The following DPH6 variants were observed in gnomAD, a reference collection of about 807,000 sequenced individuals.
The protein encoded by DPH6 is diphthamine biosynthesis 6.
In DPH6, 33 loss-of-function variants were observed where a neutral mutation model predicts 38.2. That is an observed-to-expected ratio of 0.86 (90% CI 0.65 to 1.15). DPH6 has a LOEUF of 1.15. Among genes scored for constraint, DPH6 ranks in the 50% most tolerant of loss-of-function variants. The pLI is 0.00. For missense variants in DPH6, 325 were observed against 320.0 expected (o/e 1.02, Z -0.12); for synonymous variants, 108 against 103.0 (o/e 1.05, Z -0.30).
chr15:35,436,512 A>C (rs866856838), intron 5 of DPH6, among the ~76,000 whole-genome samples: 1 of 104,294 alleles, frequency 9.6e-6, no homozygotes, highest in Non-Finnish European at 2.1e-5. Context: ...AACAAAACAA[A>C]ACAAAAAAGG....
chr15:35,298,192 G>C (rs535828993), intron 3 of DPH6: 20 of 449,758 alleles, frequency 4.4e-5, no homozygotes, highest in Admixed American at 1.1e-4. Flanking sequence ...TTCTTTTCTC[G>C]GCCTGCAGTT....
At chr15:35,149,470 C>T in the DPH6 span, among the ~76,000 whole-genome samples, 31,076 of 152,110 alleles carry the variant, frequency 0.2, 3,602 homozygotes, top group East Asian at 0.29. Flanking sequence ...AACTCCTGAC[C>T]TCGTGATTCG....
chr15:35,209,397 A>C, the DPH6 span, among the ~76,000 whole-genome samples: 2 of 152,288 alleles, frequency 1.3e-5, no homozygotes, highest in Admixed American at 1.3e-4. Context: ...ATATTTCAGA[A>C]ACTACTTTTG....
intron 6 of DPH6, chr15:35,401,613 T>C (rs1465737932): frequency 2.6e-6 from 2 of 761,512 alleles, no homozygotes; most frequent in Non-Finnish European, 4.9e-6. Context: ...ACAACAATCA[T>C]CTTCGAATTT....
chr15:35,430,986 C>T (rs1002053611), intron 5 of DPH6, among the ~76,000 whole-genome samples: 11 of 152,112 alleles, frequency 7.2e-5, no homozygotes, highest in Admixed American at 4.6e-4. Flanking sequence ...AAACCTCCTA[C>T]TTCCAGTTCC....
At position 35,317,049 on chromosome 15, in the gene DPH6, G is replaced by A. The variant is rs762050989; in HGVS notation, n.200+56472C>T. ...GAGGCAGGCAGATTGCTTGAGCCAA[G>A]GAGTTTGAGACAAGCCTGGGCAACA... On this transcript the variant is annotated intron_variant and non_coding_transcript_variant, in intron 3 of 3. Coordinates refer to the DPH6 transcript ENST00000560386. Among the ~76,000 whole-genome samples, 77 of 152,286 alleles carry A rather than the reference G, an allele frequency of 5.1e-4. 1 individual carries two copies. The highest frequency in any genetic ancestry group is 9.6e-4 in the Non-Finnish European group (65 of 68,022).
chr15:35,348,044 T>C (rs2052477610), intron 3 of DPH6, among the ~76,000 whole-genome samples: 1 of 152,188 alleles, frequency 6.6e-6, no homozygotes, highest in African/African-American at 2.4e-5. Flanking sequence ...TATTCTGGAA[T>C]ATTAACCCCT....
intron 5 of DPH6, among the ~76,000 whole-genome samples, chr15:35,425,810 CAT>C (rs71741742): frequency 0.31 from 43,570 of 141,752 alleles, 6,916 homozygotes; most frequent in African/African-American, 0.42. Context: ...TATGACATGA[CAT>C]ATATATATAT....
At position 35,345,248 on chromosome 15, in the gene DPH6, C is replaced by T. The variant is rs539523994; in HGVS notation, n.208-14171G>A. Among the ~76,000 whole-genome samples, 4 of 151,912 alleles carry T rather than the reference C, an allele frequency of 2.6e-5. No individual in the cohort carries two copies. In the East Asian group the frequency reaches 7.7e-4, roughly 29 times the overall value. ...TCGTATCCAGAAACCTTATCGATCTCAGTATTAATTCTAAGAACATCTCTG... is the reference window on the plus strand; with the variant it reads ...TCGTATCCAGAAACCTTATCGATCTTAGTATTAATTCTAAGAACATCTCTG... On this transcript the variant is annotated intron_variant and non_coding_transcript_variant, in intron 3 of 3. Coordinates refer to the DPH6 transcript ENST00000558973.
In DPH6 at chr15:35,228,163, T is replaced by C. The variant is rs141949885; in HGVS notation, n.201-7581A>G. 5.4e-4 allele frequency among the ~76,000 whole-genome samples: 82 copies of C among 152,308 alleles called. 1 individual carries two copies. The highest frequency in any genetic ancestry group is 1.9e-3 in the African/African-American group (78 of 41,576). On this transcript the variant is annotated intron_variant and non_coding_transcript_variant, in intron 3 of 3. Coordinates refer to the DPH6 transcript ENST00000560386. ...TTTGGTCTATAGTGTAGACCAACAT[T>C]GTTTGCATAAACAAACAAACAAAAA... is the stretch of plus-strand genomic sequence containing the variant.
chr15:35,536,233 T>A (rs762864153), intron 3 of DPH6, among the ~76,000 whole-genome samples: 93 of 152,060 alleles, frequency 6.1e-4, no homozygotes, highest in Non-Finnish European at 1.2e-3. Context: ...GTTTCATAAA[T>A]GAATTTAACT....
intron 3 of DPH6, among the ~76,000 whole-genome samples, chr15:35,500,862 T>C (rs2141195168): frequency 6.6e-6 from 1 of 152,144 alleles, no homozygotes; most frequent in East Asian, 1.9e-4. Flanking sequence ...AGGTTCTCCC[T>C]CCTGAGTAGC....
At chr15:35,352,477 G>A (rs1043678182) in intron 3 of DPH6, among the ~76,000 whole-genome samples, 10 of 151,918 alleles carry the variant, frequency 6.6e-5, no homozygotes, top group African/African-American at 1.5e-4. Context: ...TCCCCTTCCT[G>A]TGTCCATGTG....
At chr15:35,146,272 T>C in the DPH6 span, among the ~76,000 whole-genome samples, 4 of 152,206 alleles carry the variant, frequency 2.6e-5, no homozygotes, top group Non-Finnish European at 5.9e-5. Context: ...AATCTTTCAA[T>C]TGCGGTTCTT....
intron 3 of DPH6, among the ~76,000 whole-genome samples, chr15:35,355,315 T>C (rs941122251): frequency 6.6e-6 from 1 of 152,250 alleles, no homozygotes; most frequent in African/African-American, 2.4e-5. Context: ...TGTGTGAATT[T>C]GATCCTGTCA....
chr15:35,183,682 A>G, the DPH6 span, among the ~76,000 whole-genome samples: 4 of 152,224 alleles, frequency 2.6e-5, no homozygotes, highest in Admixed American at 6.5e-5. Flanking sequence ...TGATTGTTAC[A>G]CAACAGATAA....
intron 5 of DPH6, among the ~76,000 whole-genome samples, chr15:35,444,099 C>G (rs1373676393): frequency 6.6e-6 from 1 of 152,208 alleles, no homozygotes; most frequent in Non-Finnish European, 1.5e-5. Flanking sequence ...AATCACAATA[C>G]CATTCTCTGT....
At chr15:35,357,075 T>C (rs796990806) in intron 3 of DPH6, among the ~76,000 whole-genome samples, 27 of 152,316 alleles carry the variant, frequency 1.8e-4, no homozygotes, top group African/African-American at 6.3e-4. Context: ...CGTAGGACTC[T>C]CCTAGCCATG....
At chr15:35,224,098 T>C (rs943060476) in intron 3 of DPH6, among the ~76,000 whole-genome samples, 7 of 142,724 alleles carry the variant, frequency 4.9e-5, no homozygotes, top group African/African-American at 2.7e-5. Context: ...GGCATGATTT[T>C]AGTTTTTTTT....
Sources: allele counts gnomAD v4.1 joint callset (sites outside exome capture counted in the v4.1 genomes callset), GRCh38; gene constraint gnomAD v4.1.1; transcripts MANE v1.5; gene names NCBI Gene and HGNC (gene_info 2026-07-23, HGNC 2026-07-21).